The following ADAMTS17 variants were observed in gnomAD, a reference collection of about 807,000 sequenced individuals.
ADAMTS17 encodes the protein A disintegrin and metalloproteinase with thrombospondin motifs 17.
A neutral mutation model predicts 141.5 loss-of-function variants in ADAMTS17; 113 were observed. That is an observed-to-expected ratio of 0.80 (90% CI 0.69 to 0.93). ADAMTS17 has a LOEUF of 0.93. ADAMTS17 is among the 40% of genes least tolerant of loss of function. The probability of loss-of-function intolerance (pLI) is 0.00; values close to 1 mark genes in which losing one functional copy is unlikely to be tolerated. For missense variants in ADAMTS17, 1,659 were observed against 1,517.9 expected (o/e 1.09, Z -1.54); for synonymous variants, 768 against 630.6 (o/e 1.22, Z -3.27).
chr15:100,087,040 A>C (rs550088131), intron 15 of ADAMTS17, among the ~76,000 whole-genome samples: 8 of 152,328 alleles, frequency 5.3e-5, no homozygotes, highest in South Asian at 2.1e-4. Context: ...TCAAAAAATC[A>C]ATGAATCCAG....
At chr15:100,083,144 G>A (rs1415219202) in intron 15 of ADAMTS17, among the ~76,000 whole-genome samples, 5 of 152,120 alleles carry the variant, frequency 3.3e-5, no homozygotes, top group South Asian at 2.1e-4. Context: ...TCGCTTCCCC[G>A]CAGGAGCCTG....
At chr15:100,243,300 A>C (rs766814487) in intron 7 of ADAMTS17, among the ~76,000 whole-genome samples, 1 of 152,240 alleles carries the variant, frequency 6.6e-6, no homozygotes, top group Non-Finnish European at 1.5e-5. Context: ...TGGATGTACA[A>C]ATATCTGAGT....
At chr15:99,977,363 TA>T (rs2060362245) in intron 20 of ADAMTS17, among the ~76,000 whole-genome samples, 1 of 8,836 alleles carries the variant, frequency 1.1e-4, no homozygotes, top group Non-Finnish European at 2.3e-4. Flanking sequence ...TATATATATA[TA>T]TATATATATA....
intron 7 of ADAMTS17, among the ~76,000 whole-genome samples, chr15:100,209,470 G>A (rs548726231): frequency 6.6e-6 from 1 of 152,158 alleles, no homozygotes; most frequent in Non-Finnish European, 1.5e-5. Context: ...CATCATTTGG[G>A]TGTTGACTCA....
At chr15:100,181,110 A>T (rs2040509257) in intron 8 of ADAMTS17, among the ~76,000 whole-genome samples, 1 of 152,170 alleles carries the variant, frequency 6.6e-6, no homozygotes, top group African/African-American at 2.4e-5. Flanking sequence ...CACAAGGCCC[A>T]TGGGGAGTAC....
intron 3 of ADAMTS17, among the ~76,000 whole-genome samples, chr15:100,292,161 C>T (rs548698434): frequency 1.7e-4 from 25 of 151,002 alleles, no homozygotes; most frequent in African/African-American, 5.1e-4. Context: ...ACGCTCACCC[C>T]GTGGGAAACT....
At chr15:100,139,049 G>C (rs1424858411) in intron 10 of ADAMTS17, among the ~76,000 whole-genome samples, 1 of 152,156 alleles carries the variant, frequency 6.6e-6, no homozygotes, top group Non-Finnish European at 1.5e-5. Flanking sequence ...ATATAACTCT[G>C]CATTTGTCAA....
intron 3 of ADAMTS17, among the ~76,000 whole-genome samples, chr15:100,284,757 T>C (rs117732309): frequency 0.011 from 1,700 of 152,334 alleles, 15 homozygotes; most frequent in Non-Finnish European, 0.017. Flanking sequence ...TGCAAAAATA[T>C]GCTTGATAAT....
intron 7 of ADAMTS17, among the ~76,000 whole-genome samples, chr15:100,219,785 G>A (rs535768089): frequency 6.6e-6 from 1 of 152,254 alleles, no homozygotes; most frequent in South Asian, 2.1e-4. Context: ...CTAGAAACCT[G>A]GAAGCATTCA....
chr15:100,185,687 T>TGC (rs2040688979), intron 8 of ADAMTS17, among the ~76,000 whole-genome samples: 1 of 152,226 alleles, frequency 6.6e-6, no homozygotes, highest in African/African-American at 2.4e-5. Flanking sequence ...TGTCGGGGGC[T>TGC]GCGCAGAGAT....
intron 3 of ADAMTS17, among the ~76,000 whole-genome samples, chr15:100,320,321 A>G (rs1359229263): frequency 1.3e-5 from 2 of 152,244 alleles, no homozygotes; most frequent in African/African-American, 2.4e-5. Context: ...AAATCACGAC[A>G]AGTCCCAAAC....
intron 8 of ADAMTS17, among the ~76,000 whole-genome samples, chr15:100,156,274 C>T (rs71405362): frequency 0.046 from 6,975 of 152,280 alleles, 167 homozygotes; most frequent in Middle Eastern, 0.068. Flanking sequence ...TGACCATCTT[C>T]CGTCAGCAAC....
chr15:100,048,750 A>G (rs558161243), intron 18 of ADAMTS17, 107 bp downstream of exon 18: 7 of 1,519,080 alleles, frequency 4.6e-6, no homozygotes, highest in Admixed American at 3.4e-5. Flanking sequence ...ATAACGGAAC[A>G]CAGCATAGAG....
intron 9 of ADAMTS17, among the ~76,000 whole-genome samples, chr15:100,153,543 C>T (rs1193693228): frequency 6.6e-6 from 1 of 152,116 alleles, no homozygotes; most frequent in African/African-American, 2.4e-5. Context: ...AATTGGAAGG[C>T]TGAAGCAGGA....
At chr15:100,051,506 C>G in intron 17 of ADAMTS17, 66 bp downstream of exon 17, 11 of 1,608,458 alleles carry the variant, frequency 6.8e-6, no homozygotes, top group Admixed American at 1.7e-5. Flanking sequence ...GTGCTGGCCA[C>G]AGATGCCTTT....
chr15:100,191,533 C>T (rs971198613), intron 8 of ADAMTS17, among the ~76,000 whole-genome samples: 4 of 152,242 alleles, frequency 2.6e-5, no homozygotes, highest in African/African-American at 9.6e-5. Flanking sequence ...TTCCAGACAA[C>T]TGGAAGAAAT....
At chr15:100,299,502 T>C (rs1210307316) in intron 3 of ADAMTS17, among the ~76,000 whole-genome samples, 2 of 147,218 alleles carry the variant, frequency 1.4e-5, no homozygotes, top group East Asian at 2.1e-4. Context: ...ACCTTCTAAA[T>C]TGATGGAAAA....
intron 12 of ADAMTS17, among the ~76,000 whole-genome samples, chr15:100,117,788 T>C (rs1313231606): frequency 6.6e-6 from 1 of 152,228 alleles, no homozygotes; most frequent in Non-Finnish European, 1.5e-5. Context: ...GTTTCCATGA[T>C]GCCAAGGTCA....
intron 18 of ADAMTS17, among the ~76,000 whole-genome samples, chr15:100,040,177 C>T (rs1223357969): frequency 6.6e-6 from 1 of 152,168 alleles, no homozygotes; most frequent in African/African-American, 2.4e-5. Context: ...CTTCATTAGA[C>T]CCCAAGGGGA....
Sources: allele counts gnomAD v4.1 joint callset (sites outside exome capture counted in the v4.1 genomes callset), GRCh38; gene constraint gnomAD v4.1.1; transcripts MANE v1.5; gene names NCBI Gene and HGNC (gene_info 2026-07-23, HGNC 2026-07-21).